STX1A: variants seen among roughly 807,000 people sequenced by gnomAD.
STX1A encodes syntaxin 1A, also known as syntaxin-1A.
In STX1A, 4 loss-of-function variants were observed where a neutral mutation model predicts 37.8. That is an observed-to-expected ratio of 0.11 (90% CI 0.05 to 0.24). STX1A has a LOEUF of 0.24. STX1A is among the 10% of genes least tolerant of loss of function. The pLI is 1.00. For missense variants in STX1A, 251 were observed against 399.9 expected (o/e 0.63, Z 3.18); for synonymous variants, 135 against 147.4 (o/e 0.92, Z 0.61).
At chr7:73,708,932 G>A (rs533401170) in intron 2 of STX1A, 113 bp downstream of exon 2, 20 of 1,209,296 alleles carry the variant, frequency 1.7e-5, no homozygotes, top group African/African-American at 7.4e-5. Context: ...TTGGCACCCC[G>A]GAGCTGCTGA....
At position 73,718,961 on chromosome 7, in the gene STX1A, G is replaced by GCC. The variant is rs577689799; in HGVS notation, c.30+639_30+640dup. On this transcript the variant is annotated intron_variant, in intron 1 of 9. Coordinates refer to ENST00000222812, the MANE Select transcript of STX1A (RefSeq NM_004603.4). ...TAGGTGGACCGGGGGCGGGTGTGAC[G>GCC]CCCCCCCCCCCATACCTGGGGCGGG... 2.3e-4 allele frequency among the ~76,000 whole-genome samples: 33 copies of GCC among 145,646 alleles called. 1 individual carries two copies. The highest frequency in any genetic ancestry group is 5.6e-4 in the African/African-American group (22 of 39,590).
At chr7:73,703,953 G>GGGCCC in intron 6 of STX1A, 125 bp from the exon 7 acceptor site, 1 of 1,082,210 alleles carries the variant, frequency 9.2e-7, no homozygotes, top group Non-Finnish European at 1.3e-6. Context: ...GCAGCCTCAG[G>GGGCCC]CCCCGCCCCC....
At position 73,701,795 on chromosome 7, in the gene STX1A, C is replaced by T. The variant is rs371493585; in HGVS notation, c.679-955G>A. Among the ~76,000 whole-genome samples the T allele has an allele frequency of 9.2e-5, 14 of 152,308 alleles. No homozygotes were observed. In the East Asian group the frequency reaches 2.7e-3, roughly 29 times the overall value. ...AAGGCCACATCACTCCCATACTTAA[C>T]ACATTCCAACCTGGCTGGGTGCTGT... On this transcript the variant is annotated intron_variant, in intron 8 of 9. Transcript: ENST00000222812.
intron 7 of STX1A, 59 bp downstream of exon 7, chr7:73,703,696 C>A: frequency 6.4e-7 from 1 of 1,567,068 alleles, no homozygotes; most frequent in South Asian, 1.1e-5. Context: ...CACTAGGGGT[C>A]ATGGACGTAG....
At chr7:73,708,456 G>C (rs1442868018) in intron 3 of STX1A, 133 bp downstream of exon 3, 5 of 782,350 alleles carry the variant, frequency 6.4e-6, no homozygotes, top group Admixed American at 4.8e-5. Flanking sequence ...AAACCCTCCC[G>C]ACCCTGGCCC....
rs1584250193 is a variant in STX1A, at chr7:73,708,667, T to C, written c.130A>G (p.Ile44Val). ...TCCACGTTCTCTGCGATCTTGTCAA[T>C]GAAGCCTCGAATCTCCTCCACCTGC... The part of the protein sequence containing the change: ...FEQVEEIRGF[I>V]DKIAENVEEV... The change falls in exon 3 of 10, where the codon ATT (isoleucine) becomes GTT (valine). Residue 44 changes from isoleucine to valine, a missense_variant. By Grantham distance (29) the Ile-to-Val change is conservative (BLOSUM62 3). Around this residue, in one of 2 missense-constraint regions of STX1A, gnomAD observed 214 missense variants for 367.6 expected, o/e 0.58. Transcript: ENST00000222812. 1 of 1,614,078 alleles carries C rather than the reference T, an allele frequency of 6.2e-7. No individual in the cohort carries two copies. The highest frequency in any genetic ancestry group is 1.3e-5 in the African/African-American group (1 of 75,054).
At position 73,705,026 on chromosome 7, in the gene STX1A, C is replaced by T. The variant is rs1008999106; in HGVS notation, c.283+124G>A. 2.6e-5 allele frequency: 25 copies of T among 954,678 alleles called. No homozygotes were observed. The highest frequency in any genetic ancestry group is 2.5e-4 in the Admixed American group (14 of 56,412). 59.1% of individuals were successfully genotyped at this position (954,678 alleles called of 1,614,324 possible). On this transcript the variant is annotated intron_variant, in intron 4 of 9. Transcript: ENST00000222812. This position sits in a 1 kb window ranked among gnomAD's most constrained non-coding sequence, Gnocchi z 5.2. ...AGCTGCTGAGTGAATGGGCACATGA[C>T]GCCACCCTCAGAAAGGAAAGCAAGA...
Position 73,702,818 on chromosome 7 carries a change from T to G in STX1A, c.678+27A>C. ...CCCTGGGTGCTGGTGTGGGCTGGAG[T>G]GGAGGGCAGGGGGGCCCGGCACTCA... On this transcript the variant is annotated intron_variant, in intron 8 of 9. Transcript: ENST00000222812. This position sits in a 1 kb window ranked among gnomAD's most constrained non-coding sequence, Gnocchi z 4.7. 1 of 1,612,584 alleles carries G rather than the reference T, an allele frequency of 6.2e-7. No individual in the cohort carries two copies.
At chr7:73,714,469 T>C (rs970265223) in intron 1 of STX1A, among the ~76,000 whole-genome samples, 1 of 151,416 alleles carries the variant, frequency 6.6e-6, no homozygotes, top group Non-Finnish European at 1.5e-5. Flanking sequence ...GGCAAGATCA[T>C]AGCTCACTGC....
intron 7 of STX1A, 22 bp downstream of exon 7, chr7:73,703,733 G>A (rs1554616282): frequency 1.2e-6 from 2 of 1,610,054 alleles, no homozygotes; most frequent in South Asian, 2.2e-5. Context: ...GTCATGGCAG[G>A]AGGGATGGGG....
chr7:73,704,423 C>G lies in STX1A; in HGVS notation c.284G>C (p.Ser95Thr). 6.2e-7 allele frequency: 1 copy of G among 1,614,158 alleles called. No individual in the cohort carries two copies. Among genetic ancestry groups the G allele is most frequent in the Non-Finnish European group, 8.5e-7 (1 of 1,180,018 alleles). The change falls in exon 5 of 10, where the codon AGC (serine) becomes ACC (threonine). Residue 95 changes from serine to threonine, a missense_variant and splice_region_variant. Physicochemically the swap from Ser to Thr is moderately conservative, Grantham distance 58. This residue lies in a region of STX1A where 214 missense variants were observed against 367.6 expected (regional missense o/e 0.58). Transcript: ENST00000222812. ...TANKVRSKLK[S>T]IEQSIEQEEG... ...CTCTTGCTCGATGGACTGCTCGATG[C>G]CTGGGGGCACAGGTGGCTGCTAAGT...
intron 1 of STX1A, among the ~76,000 whole-genome samples, chr7:73,716,093 A>G (rs1799279289): frequency 6.6e-6 from 1 of 152,216 alleles, no homozygotes. Flanking sequence ...GATCTGTAAG[A>G]TAGGAGGTTG....
chr7:73,712,898 A>T (rs1232685349), intron 1 of STX1A, among the ~76,000 whole-genome samples: 1 of 152,136 alleles, frequency 6.6e-6, no homozygotes, highest in East Asian at 1.9e-4. Flanking sequence ...CATACAGCAC[A>T]CAAACTGAAT....
Position 73,704,972 on chromosome 7 carries a change from G to C in STX1A, c.283+178C>G, listed in dbSNP as rs1798818047. The C allele has an allele frequency of 1.2e-5, 8 of 691,582 alleles. No homozygotes were observed. In the Admixed American group the frequency reaches 1.8e-4, roughly 15 times the overall value. The allele number at this position is 691,582 out of a possible 1,614,324, so 42.8% of individuals were successfully genotyped here. On this transcript the variant is annotated intron_variant, in intron 4 of 9. Transcript: ENST00000222812. Reference sequence around the variant, plus strand: ...TGGGTGTGTCCCTGGGCCCAGCCCAGAGTCTGGCACCAACGGGCCTTGCCA... The same window carrying C: ...TGGGTGTGTCCCTGGGCCCAGCCCACAGTCTGGCACCAACGGGCCTTGCCA...
At chr7:73,701,072 G>A in intron 8 of STX1A, 3 of 755,952 alleles carry the variant, frequency 4.0e-6, no homozygotes, top group Non-Finnish European at 6.3e-6. Flanking sequence ...CCTGGGGGTG[G>A]AGCTGGCCAT....
Position 73,709,153 on chromosome 7 carries a change from G to A in STX1A, c.31-31C>T, listed in dbSNP as rs765879462. Reference sequence around the variant, plus strand: ...CGGGGTTGTGCACACATAAGTGGACGTATGTACAGGACCCACCTGTACACA... The same window carrying A: ...CGGGGTTGTGCACACATAAGTGGACATATGTACAGGACCCACCTGTACACA... On this transcript the variant is annotated intron_variant, in intron 1 of 9. Coordinates refer to ENST00000222812, the MANE Select transcript of STX1A (RefSeq NM_004603.4). The surrounding 1 kb of genome is among the most constrained non-coding windows in gnomAD (Gnocchi z 4.2). The A allele has an allele frequency of 4.4e-5, 70 of 1,604,832 alleles. No homozygotes were observed. The highest frequency in any genetic ancestry group is 6.6e-5 in the South Asian group (6 of 90,998).
At chr7:73,710,704 C>T (rs1799069309) in intron 1 of STX1A, among the ~76,000 whole-genome samples, 2 of 152,208 alleles carry the variant, frequency 1.3e-5, no homozygotes, top group African/African-American at 2.4e-5. Context: ...GGATTACAGG[C>T]GTGAACCACC....
chr7:73,707,771 T>C (rs1798927668), intron 3 of STX1A, among the ~76,000 whole-genome samples: 1 of 149,812 alleles, frequency 6.7e-6, no homozygotes, highest in African/African-American at 2.5e-5. Flanking sequence ...CCATCTTTAC[T>C]AAAAATACCA....
At position 73,708,683 on chromosome 7, in the gene STX1A, C is replaced by T. The variant is rs1554617462; in HGVS notation, c.114G>A (p.Glu38=). The T allele has an allele frequency of 1.9e-6, 3 of 1,613,816 alleles. No individual in the cohort carries two copies. Among genetic ancestry groups the T allele is most frequent in the East Asian group, 2.2e-5 (1 of 44,878 alleles). The change falls in exon 3 of 10, where the codon GAG becomes GAA. Residue 38 remains glutamate (E), a synonymous_variant. Coordinates refer to ENST00000222812, the MANE Select transcript of STX1A (RefSeq NM_004603.4). ...TCTTGTCAATGAAGCCTCGAATCTC[C>T]TCCACCTGCGGACCAAGGCCAGGTG... ...RFMDEFFEQV[E]EIRGFIDKIA... is the part of the protein sequence containing the mutation.
Sources: gnomAD v4.1 joint callset for allele counts (sites outside exome capture counted in the v4.1 genomes callset) on GRCh38, gnomAD v4.1.1 for gene constraint, gnomAD v4.1.1 regional missense constraint, Gnocchi (gnomAD v3.1) non-coding constraint, MANE v1.5 for transcripts, NCBI Gene and HGNC (gene_info 2026-07-23, HGNC 2026-07-21) for gene names.